Variants in MDGA1 observed in about 807,000 individuals in gnomAD.
The protein encoded by MDGA1 is MAM domain-containing glycosylphosphatidylinositol anchor protein 1.
In MDGA1, 54 loss-of-function variants were observed where a neutral mutation model predicts 101.5. The ratio of observed to expected loss-of-function variants is 0.53; its 90% confidence interval spans 0.43 to 0.67. The LOEUF (loss-of-function observed/expected upper bound fraction) is 0.67. Ranked by LOEUF, MDGA1 falls within the 30% of genes least tolerant of loss-of-function variation. MDGA1 has a pLI of 0.00. For synonymous variants in MDGA1, 533 were observed against 558.3 expected, an observed-to-expected ratio of 0.95 and a Z score of 0.64; for missense variants, 1,083 against 1,323.8, an observed-to-expected ratio of 0.82 and a Z score of 2.82.
intron 1 of MDGA1, among the ~76,000 whole-genome samples, chr6:37,676,762 T>TA (rs1761987394): frequency 1.3e-5 from 2 of 152,106 alleles, no homozygotes; most frequent in Non-Finnish European, 2.9e-5. Context: ...CTGGGGGTGG[T>TA]GGCTTGTGCC....
chr6:37,671,034 A>G (rs1761858432), intron 1 of MDGA1, among the ~76,000 whole-genome samples: 1 of 152,150 alleles, frequency 6.6e-6, no homozygotes, highest in African/African-American at 2.4e-5. Flanking sequence ...TTTCAGAACC[A>G]AGTGTGCTTC....
At chr6:37,662,546 G>C (rs546611298) in intron 2 of MDGA1, among the ~76,000 whole-genome samples, 4 of 151,676 alleles carry the variant, frequency 2.6e-5, no homozygotes, top group Non-Finnish European at 5.9e-5. Flanking sequence ...TGAGGTGGGA[G>C]GATCACTTGA....
chr6:37,653,070 A>G (rs1320479277), intron 6 of MDGA1, among the ~76,000 whole-genome samples: 3 of 152,252 alleles, frequency 2.0e-5, no homozygotes, highest in Non-Finnish European at 2.9e-5. Flanking sequence ...GAAATAAGCC[A>G]AGAGTTAAAT....
At position 37,655,364 on chromosome 6, in the gene MDGA1, C is replaced by T; in HGVS notation, c.579+336G>A. On this transcript the variant is annotated intron_variant, in intron 4 of 16. Transcript: ENST00000434837. The surrounding 1 kb of genome is among the most constrained non-coding windows in gnomAD (Gnocchi z 5.1). Reference sequence around the variant, plus strand: ...TGGGAAGAGGAGTCATCTCCTCGCCCCCAGATCCTGCTGTGCCTGGCCACA... The same window carrying T: ...TGGGAAGAGGAGTCATCTCCTCGCCTCCAGATCCTGCTGTGCCTGGCCACA... 1 of 342,512 alleles carries T rather than the reference C, an allele frequency of 2.9e-6. No individual in the cohort carries two copies. The highest frequency in any genetic ancestry group is 5.3e-6 in the Non-Finnish European group (1 of 187,602). 21.2% of individuals were successfully genotyped at this position (342,512 alleles called of 1,614,324 possible). A position where few individuals can be genotyped will look rare whatever the true frequency, so the allele number is the denominator to read the frequency against.
chr6:37,638,505 C>G lies in MDGA1; in HGVS notation c.2667+32G>C, dbSNP rs376239882. On this transcript the variant is annotated intron_variant, in intron 15 of 16. Transcript: ENST00000434837. The surrounding 1 kb of genome is among the most constrained non-coding windows in gnomAD (Gnocchi z 4.8). The stretch of plus-strand genomic sequence containing the variant: ...TCCTGGCCACAGCAACCACCGAAGC[C>G]GGGGAGGGTCCTCTGGGCCCTACGG... 1 of 1,612,160 alleles carries G rather than the reference C, an allele frequency of 6.2e-7. No individual in the cohort carries two copies. Among genetic ancestry groups the G allele is most frequent in the Non-Finnish European group, 8.5e-7 (1 of 1,178,790 alleles).
At chr6:37,666,359 CAAA>C (rs34277023) in intron 1 of MDGA1, among the ~76,000 whole-genome samples, 3,033 of 99,812 alleles carry the variant, frequency 0.03, 39 homozygotes, top group Middle Eastern at 0.11. Context: ...CACTCCGTCT[CAAA>C]AAAAAAAAAA....
chr6:37,658,580 G>T (rs911610336), intron 2 of MDGA1, among the ~76,000 whole-genome samples, 161 bp from the exon 3 acceptor site: 1 of 152,238 alleles, frequency 6.6e-6, no homozygotes, highest in African/African-American at 2.4e-5. Flanking sequence ...AGACTCGTGG[G>T]AATGCACAGA....
chr6:37,642,327 G>T (rs1452284305), intron 14 of MDGA1, among the ~76,000 whole-genome samples: 2 of 151,746 alleles, frequency 1.3e-5, no homozygotes, highest in Non-Finnish European at 2.9e-5. Context: ...GCCATCACGT[G>T]AGCCTGGCTA....
In MDGA1 at chr6:37,696,644, G is replaced by T. The variant is rs1331580148; in HGVS notation, c.67+101C>A. 3 of 1,156,128 alleles carry T rather than the reference G, an allele frequency of 2.6e-6. No homozygotes were observed. The highest frequency in any genetic ancestry group is 1.3e-5 in the South Asian group (1 of 74,358). The allele number at this position is 1,156,128 out of a possible 1,614,324, so 71.6% of individuals were successfully genotyped here. ...GACGCGGGCATCCACTCCAGAGTCC[G>T]AGTCGAGGTCTCCACCAAACCCCGG... On this transcript the variant is annotated intron_variant, in intron 1 of 16. Transcript: ENST00000434837. The surrounding 1 kb of genome is among the most constrained non-coding windows in gnomAD (Gnocchi z 5.6).
At chr6:37,686,628 T>TA (rs577530553) in intron 1 of MDGA1, among the ~76,000 whole-genome samples, 57 of 152,278 alleles carry the variant, frequency 3.7e-4, no homozygotes, top group Admixed American at 1.7e-3. Context: ...GGTTTCACCA[T>TA]GTTGCCCAGG....
In MDGA1 at chr6:37,634,381, C is replaced by G. The variant is rs1397851292; in HGVS notation, c.*2987G>C. 2.6e-5 allele frequency: 4 copies of G among 153,280 alleles called. 1 individual carries two copies. The South Asian group carries it at 8.3e-4, about 32-fold the overall frequency. 9.5% of individuals were successfully genotyped at this position (153,280 alleles called of 1,614,324 possible). The stretch of plus-strand genomic sequence containing the variant: ...CGGGGGTCACTCATGGGCCACCCAT[C>G]AACACACAGACACTGACACACCATG... On this transcript the variant is annotated 3_prime_UTR_variant, in exon 17 of 17. Coordinates refer to ENST00000434837, the MANE Select transcript of MDGA1 (RefSeq NM_153487.4). This position sits in a 1 kb window ranked among gnomAD's most constrained non-coding sequence, Gnocchi z 4.7.
At position 37,644,056 on chromosome 6, in the gene MDGA1, C is replaced by T. The variant is rs191866153; in HGVS notation, c.2402-113G>A. 64 of 1,344,362 alleles carry T rather than the reference C, an allele frequency of 4.8e-5. No individual in the cohort carries two copies. In the South Asian group the frequency reaches 6.3e-4, roughly 13 times the overall value. The allele number at this position is 1,344,362 out of a possible 1,614,324, so 83.3% of individuals were successfully genotyped here. ...GCTGAATCTGAAGTGCCTCGCCCCA[C>T]GCATCCTGCCTCACCCCACGCATCC... is the stretch of plus-strand genomic sequence containing the variant. On this transcript the variant is annotated intron_variant, in intron 13 of 16. Coordinates refer to ENST00000434837, the MANE Select transcript of MDGA1 (RefSeq NM_153487.4).
intron 14 of MDGA1, among the ~76,000 whole-genome samples, chr6:37,643,583 C>T (rs1156435287): frequency 5.3e-5 from 8 of 152,154 alleles, no homozygotes; most frequent in Admixed American, 3.9e-4. Flanking sequence ...CTGCTGGGGT[C>T]TTCTATCTGC....
Position 37,663,963 on chromosome 6 carries a change from T to G in MDGA1, c.207+4A>C. The G allele has an allele frequency of 6.2e-7, 1 of 1,613,716 alleles. No homozygotes were observed. Among genetic ancestry groups the G allele is most frequent in the Non-Finnish European group, 8.5e-7 (1 of 1,179,746 alleles). ...GCCTGAGCAAGGCTGGGCTGGGGGC[T>G]TACCTGGGGTCGAGGGTGCCCTGTT... On this transcript the variant is annotated splice_donor_region_variant and intron_variant, in intron 2 of 16. Coordinates refer to ENST00000434837, the MANE Select transcript of MDGA1 (RefSeq NM_153487.4).
At chr6:37,642,181 T>C (rs1462753005) in intron 14 of MDGA1, among the ~76,000 whole-genome samples, 2 of 39,874 alleles carry the variant, frequency 5.0e-5, no homozygotes, top group Non-Finnish European at 1.6e-4. Context: ...GTTTCTTTCT[T>C]TTTTTTTTTT....
chr6:37,644,747 C>T, intron 12 of MDGA1, 98 bp from the exon 13 acceptor site: 1 of 1,241,238 alleles, frequency 8.1e-7, no homozygotes, highest in African/African-American at 1.6e-5. Context: ...TCCCATGCAT[C>T]CAAGCAAGGC....
Position 37,637,270 on chromosome 6 carries a change from C to T in MDGA1, c.*98G>A, listed in dbSNP as rs971932864. On this transcript the variant is annotated 3_prime_UTR_variant, in exon 17 of 17. Transcript: ENST00000434837. ...CCCCCTCCCTGGCGGGCCGGCCCTG[C>T]CCCTGGGCACCCCAGCTGGCGGGGG... 7.0e-6 allele frequency: 7 copies of T among 1,005,532 alleles called. No individual in the cohort carries two copies. Among genetic ancestry groups the T allele is most frequent in the African/African-American group, 1.6e-5 (1 of 63,120 alleles). The allele number at this position is 1,005,532 out of a possible 1,614,324, so 62.3% of individuals were successfully genotyped here. A position where few individuals can be genotyped will look rare whatever the true frequency, so the allele number is the denominator to read the frequency against.
Position 37,649,370 on chromosome 6 carries a change from C to A in MDGA1, c.1610-104G>T. The A allele has an allele frequency of 2.2e-6, 3 of 1,387,368 alleles. No individual in the cohort carries two copies. In the South Asian group the frequency reaches 4.8e-5, roughly 22 times the overall value. 85.9% of individuals were successfully genotyped at this position (1,387,368 alleles called of 1,614,324 possible). On this transcript the variant is annotated intron_variant, in intron 8 of 16. Transcript: ENST00000434837. ...GCTCGCCTCTAATGCCGTGAGCCCC[C>A]GCCAGGAAAAATCCCAGGGCGGATG...
In MDGA1 at chr6:37,650,384, G is replaced by A; in HGVS notation, c.1334C>T (p.Pro445Leu). The change falls in exon 8 of 17, where the codon CCC becomes CTC. Residue 445 changes from proline to leucine, a missense_variant. Physicochemically the swap from Pro to Leu is moderately conservative, Grantham distance 98. This residue lies in a region of MDGA1 where 657 missense variants were observed against 771.4 expected (regional missense o/e 0.85). Coordinates refer to ENST00000434837, the MANE Select transcript of MDGA1 (RefSeq NM_153487.4). ...CACGGTCACCACGGCCCTACCCTTG[G>A]GCACACTGATGGTGGGCGGCACTGT... is the stretch of plus-strand genomic sequence containing the variant. ...SETVPPTISV[P>L]KGRAVVTVRE... 1 of 1,559,018 alleles carries A rather than the reference G, an allele frequency of 6.4e-7. No individual in the cohort carries two copies. Among genetic ancestry groups the A allele is most frequent in the South Asian group, 1.2e-5 (1 of 84,436 alleles).
Sources: gnomAD v4.1 joint callset for allele counts (sites outside exome capture counted in the v4.1 genomes callset) on GRCh38, gnomAD v4.1.1 for gene constraint, gnomAD v4.1.1 regional missense constraint, Gnocchi (gnomAD v3.1) non-coding constraint, MANE v1.5 for transcripts, NCBI Gene and HGNC (gene_info 2026-07-23, HGNC 2026-07-21) for gene names.